The following NWD1 variants were observed in gnomAD, a reference collection of about 807,000 sequenced individuals.
NWD1 encodes NACHT and WD repeat domain containing 1.
A neutral mutation model predicts 135.1 loss-of-function variants in NWD1; 129 were observed. That is an observed-to-expected ratio of 0.96 (90% confidence interval 0.83 to 1.11). NWD1 has a LOEUF of 1.11. Ranked by LOEUF, NWD1 falls within the 50% of genes least tolerant of loss-of-function variation. NWD1 has a pLI of 0.00. For missense variants in NWD1, 1,740 were observed against 1,851.3 expected (o/e 0.94, Z 1.10); for synonymous variants, 773 against 786.0 (o/e 0.98, Z 0.28).
At chr19:16,793,499 TA>T (rs1207544146) in intron 14 of NWD1, among the ~76,000 whole-genome samples, 1 of 152,104 alleles carries the variant, frequency 6.6e-6, no homozygotes, top group Non-Finnish European at 1.5e-5. Context: ...GTGCTGGGAT[TA>T]CAGGCGTGAC....
chr19:16,805,898 T>C (rs1970733430), intron 17 of NWD1, among the ~76,000 whole-genome samples: 2 of 151,860 alleles, frequency 1.3e-5, no homozygotes, highest in South Asian at 4.2e-4. Flanking sequence ...AGAGGGAGTT[T>C]CCATCTGTTG....
intron 18 of NWD1, among the ~76,000 whole-genome samples, chr19:16,811,873 G>A (rs1970936263): frequency 6.6e-6 from 1 of 151,766 alleles, no homozygotes; most frequent in Non-Finnish European, 1.5e-5. Context: ...AAAATTAGTT[G>A]GGCATGGTGG....
chr19:16,809,052 C>T (rs920341657), intron 18 of NWD1, among the ~76,000 whole-genome samples: 1 of 151,854 alleles, frequency 6.6e-6, no homozygotes, highest in Non-Finnish European at 1.5e-5. Context: ...CAAGGCCTGT[C>T]TCAAGAAAAC....
At chr19:16,765,250 T>C (rs1294697306) in intron 10 of NWD1, 58 bp downstream of exon 10, 1 of 1,503,744 alleles carries the variant, frequency 6.7e-7, no homozygotes, top group African/African-American at 1.4e-5. Context: ...TCTAGAAACA[T>C]GCTCTCCTCA....
rs906651341 is a variant in NWD1, at chr19:16,815,251, C to T, written c.*212C>T. 1.3e-6 allele frequency: 1 copy of T among 782,716 alleles called. No individual in the cohort carries two copies. The highest frequency in any genetic ancestry group is 2.4e-6 in the Non-Finnish European group (1 of 419,764). The allele number at this position is 782,716 out of a possible 1,614,324, so 48.5% of individuals were successfully genotyped here. A position where few individuals can be genotyped will look rare whatever the true frequency, so the allele number is the denominator to read the frequency against. Reference sequence around the variant, plus strand: ...AGCTAGTTGCAGCTGCAGGAGCTCCCCAGGACTTGGAGTCAGAAAGTGCCC... The same window carrying T: ...AGCTAGTTGCAGCTGCAGGAGCTCCTCAGGACTTGGAGTCAGAAAGTGCCC... On this transcript the variant is annotated 3_prime_UTR_variant, in exon 19 of 19. Coordinates refer to ENST00000524140, the MANE Select transcript of NWD1 (RefSeq NM_001007525.5).
At chr19:16,806,863 A>C (rs899031462) in intron 17 of NWD1, among the ~76,000 whole-genome samples, 31 of 151,394 alleles carry the variant, frequency 2.0e-4, no homozygotes, top group Non-Finnish European at 1.8e-4. Context: ...AAAAATACAA[A>C]CAAATTAGCT....
In NWD1 at chr19:16,749,846, C is replaced by T. The variant is rs778421704; in HGVS notation, c.1204C>T (p.Pro402Ser). Residue 402 changes from proline (P) to serine (S), a missense_variant, in exon 6 of 19, where the codon CCC becomes TCC. By Grantham distance (74) the Pro-to-Ser change is moderately conservative (BLOSUM62 -1). Coordinates refer to ENST00000524140, the MANE Select transcript of NWD1 (RefSeq NM_001007525.5). ...GTGCCTGGCCTATGGGCTGCCCTTG[C>T]CCCCTGCCCAGGTTCTGGACGCCCA... is the stretch of plus-strand genomic sequence containing the variant. ...QVCLAYGLPL[P>S]PAQVLDAHTR... 1.2e-6 allele frequency: 2 copies of T among 1,611,890 alleles called. No individual in the cohort carries two copies. The highest frequency in any genetic ancestry group is 1.7e-6 in the Non-Finnish European group (2 of 1,179,124).
intron 3 of NWD1, among the ~76,000 whole-genome samples, chr19:16,732,683 AGT>A (rs1967630255): frequency 6.9e-6 from 1 of 145,918 alleles, no homozygotes; most frequent in South Asian, 2.2e-4. Flanking sequence ...AAAGTGAAAA[AGT>A]GCAGTGGTGT....
chr19:16,730,022 A>G (rs1967492133), intron 2 of NWD1, among the ~76,000 whole-genome samples: 1 of 152,138 alleles, frequency 6.6e-6, no homozygotes, highest in South Asian at 2.1e-4. Flanking sequence ...AACTGCAAGT[A>G]CTTTTTAAAA....
chr19:16,725,469 C>T (rs1007726509), intron 2 of NWD1, among the ~76,000 whole-genome samples: 2 of 152,036 alleles, frequency 1.3e-5, no homozygotes, highest in Admixed American at 1.3e-4. Context: ...CAGAGCAAGA[C>T]TCTGTATCAC....
At chr19:16,752,520 T>A (rs1292692228) in intron 6 of NWD1, among the ~76,000 whole-genome samples, 1 of 112,976 alleles carries the variant, frequency 8.9e-6, no homozygotes, top group East Asian at 2.0e-4. Flanking sequence ...TAGCTGAGCA[T>A]GGTGGTGCTA....
intron 12 of NWD1, among the ~76,000 whole-genome samples, chr19:16,787,898 AATAATAATCATCATCATCATC>A (rs1441434376): frequency 2.8e-3 from 233 of 84,698 alleles, no homozygotes; most frequent in African/African-American, 0.012. Flanking sequence ...TAATAATAAT[AATAATAATCATCATCATCATC>A]ATCATCATCA....
intron 4 of NWD1, among the ~76,000 whole-genome samples, chr19:16,740,036 C>G (rs538151037): frequency 1.9e-4 from 29 of 152,134 alleles, no homozygotes; most frequent in Admixed American, 9.2e-4. Flanking sequence ...TTGGATCACA[C>G]TTGTAATCCC....
In NWD1 at chr19:16,807,893, C is replaced by T. The variant is rs61735363; in HGVS notation, c.4044C>T (p.Pro1348=). Residue 1348 remains proline (P), a synonymous_variant, in exon 18 of 19, where the codon CCC becomes CCT. Transcript: ENST00000524140. ...GPRYTFYTQL[P]ETLSSVAILT... ...GATACACCTTTTACACTCAGCTGCC[C>T]GAGACCCTCTCCAGCGTGGCCATTC... is the stretch of plus-strand genomic sequence containing the variant. 2,311 of 1,614,170 alleles carry T rather than the reference C, an allele frequency of 1.4e-3. 2 individuals carry two copies. The highest frequency in any genetic ancestry group is 1.6e-3 in the Non-Finnish European group (1,879 of 1,180,024).
At chr19:16,778,633 C>T (rs1184287367) in intron 11 of NWD1, among the ~76,000 whole-genome samples, 3 of 151,854 alleles carry the variant, frequency 2.0e-5, no homozygotes, top group African/African-American at 4.8e-5. Context: ...CTCAGCCTCC[C>T]GAGTAGCTGG....
At chr19:16,733,221 T>C (rs1599429370) in intron 3 of NWD1, among the ~76,000 whole-genome samples, 1 of 138,984 alleles carries the variant, frequency 7.2e-6, no homozygotes, top group African/African-American at 2.7e-5. Context: ...ATGCTGTCTT[T>C]AAAAAAAAAA....
intron 18 of NWD1, among the ~76,000 whole-genome samples, chr19:16,811,944 A>G (rs1433408082): frequency 1.3e-5 from 2 of 152,202 alleles, no homozygotes; most frequent in Non-Finnish European, 2.9e-5. Context: ...TAAACCCAGG[A>G]GACGGAGGTT....
At position 16,763,833 on chromosome 19, in the gene NWD1, C is replaced by T. The variant is rs1230288379; in HGVS notation, c.2139C>T (p.Ala713=). The T allele has an allele frequency of 1.2e-6, 2 of 1,610,658 alleles. No individual in the cohort carries two copies. Among genetic ancestry groups the T allele is most frequent in the East Asian group, 2.2e-5 (1 of 44,842 alleles). ...TCTCCCTTCTCCTCTGCCAGGTGGC[C>T]CCGCAGCCTCTGTGGTTCTCACATA... ...GKPLNLDRKV[A]PQPLWFSHTV... is the part of the protein sequence containing the mutation. Residue 713 remains alanine, a synonymous_variant, in exon 9 of 19, where the codon GCC becomes GCT. Coordinates refer to ENST00000524140, the MANE Select transcript of NWD1 (RefSeq NM_001007525.5).
In NWD1 at chr19:16,773,262, C is replaced by A; in HGVS notation, c.2547C>A (p.Leu849=). 1 of 1,613,560 alleles carries A rather than the reference C, an allele frequency of 6.2e-7. No individual in the cohort carries two copies. The highest frequency in any genetic ancestry group is 8.5e-7 in the Non-Finnish European group (1 of 1,180,010). The change falls in exon 11 of 19, where the codon CTC becomes CTA. Residue 849 remains leucine, a synonymous_variant. Transcript: ENST00000524140. ...QLCAHPVLVP[L]GGFLQPPGGP... is the part of the protein sequence containing the mutation. ...GCGCACACCCTGTGCTGGTGCCCCT[C>A]GGAGGATTCCTCCAGCCCCCGGGAG...
Sources: gnomAD v4.1 joint callset for allele counts (sites outside exome capture counted in the v4.1 genomes callset) on GRCh38, gnomAD v4.1.1 for gene constraint, MANE v1.5 for transcripts, NCBI Gene and HGNC (gene_info 2026-07-23, HGNC 2026-07-21) for gene names.